Variants in RAPGEF2 observed in about 807,000 individuals in gnomAD.
The protein encoded by RAPGEF2 is PDZ domain containing guanine nucleotide exchange factor (GEF) 1.
In RAPGEF2, 54 loss-of-function variants were observed where a neutral mutation model predicts 186.7. That is an observed-to-expected ratio of 0.29 (90% CI 0.23 to 0.36). The LOEUF is 0.36. RAPGEF2 is among the 10% of genes least tolerant of loss of function. The probability of loss-of-function intolerance (pLI) is 1.00; values close to 1 mark genes in which losing one functional copy is unlikely to be tolerated. For missense variants in RAPGEF2, 1,532 were observed against 2,045.0 expected (o/e 0.75, Z 4.84); for synonymous variants, 712 against 705.9 (o/e 1.01, Z -0.14).
intron 7 of RAPGEF2, among the ~76,000 whole-genome samples, chr4:159,276,479 G>A (rs1003768204): frequency 1.3e-5 from 2 of 152,110 alleles, no homozygotes; most frequent in Non-Finnish European, 2.9e-5. Context: ...ATTTTATATA[G>A]AAGAGGGTAC....
intron 17 of RAPGEF2, among the ~76,000 whole-genome samples, chr4:159,337,248 G>T (rs1767555819): frequency 6.6e-6 from 1 of 152,074 alleles, no homozygotes; most frequent in African/African-American, 2.4e-5. Context: ...ATGCACCACT[G>T]TTTTTTTATG....
At chr4:159,316,304 T>G (rs1487964587) in intron 9 of RAPGEF2, among the ~76,000 whole-genome samples, 2 of 152,198 alleles carry the variant, frequency 1.3e-5, no homozygotes, top group Non-Finnish European at 1.5e-5. Context: ...GATTAATGAT[T>G]TTATATATAA....
At chr4:159,281,289 C>T (rs892149754) in intron 7 of RAPGEF2, among the ~76,000 whole-genome samples, 1 of 152,034 alleles carries the variant, frequency 6.6e-6, no homozygotes, top group African/African-American at 2.4e-5. Flanking sequence ...CGCACCTGGC[C>T]ATCATTTAAC....
intron 24 of RAPGEF2, among the ~76,000 whole-genome samples, chr4:159,345,876 T>C (rs2111290621): frequency 6.6e-6 from 1 of 152,076 alleles, no homozygotes. Context: ...TAAATCTGCA[T>C]CTTGACTTAA....
chr4:159,273,022 T>C (rs767650456), intron 7 of RAPGEF2, among the ~76,000 whole-genome samples: 1 of 152,198 alleles, frequency 6.6e-6, no homozygotes, highest in African/African-American at 2.4e-5. Context: ...ATATTTTGAT[T>C]GATGGATTTT....
At chr4:159,252,069 C>T (rs1755509111) in intron 7 of RAPGEF2, among the ~76,000 whole-genome samples, 1 of 152,064 alleles carries the variant, frequency 6.6e-6, no homozygotes, top group African/African-American at 2.4e-5. Flanking sequence ...AGAACTGTAA[C>T]ATTCACCGTG....
At chr4:159,184,750 G>C (rs1747386345) in intron 1 of RAPGEF2, among the ~76,000 whole-genome samples, 1 of 152,114 alleles carries the variant, frequency 6.6e-6, no homozygotes, top group Admixed American at 6.5e-5. Context: ...AGTTTAATTA[G>C]ATCCCATTTG....
rs575533416 is a variant in RAPGEF2, at chr4:159,136,162, G to A, written c.69+31931G>A. 2.9e-4 allele frequency among the ~76,000 whole-genome samples: 44 copies of A among 152,266 alleles called. No individual in the cohort carries two copies. In the South Asian group the frequency reaches 8.5e-3, roughly 29 times the overall value. ...TTGCATTTAGCATTTTAAAAAATAT[G>A]GTTGTTTTTCCTTGAGTTGTGAGAG... On this transcript the variant is annotated intron_variant, in intron 1 of 29. Transcript: ENST00000691494.
chr4:159,263,631 A>T (rs1039341866), intron 7 of RAPGEF2, among the ~76,000 whole-genome samples: 1 of 152,010 alleles, frequency 6.6e-6, no homozygotes, highest in African/African-American at 2.4e-5. Context: ...TATACACTTT[A>T]TTTTTCTATT....
chr4:159,137,709 C>CAAAAAA (rs35501594), intron 1 of RAPGEF2, among the ~76,000 whole-genome samples: 3 of 122,210 alleles, frequency 2.5e-5, no homozygotes, highest in Non-Finnish European at 3.3e-5. Flanking sequence ...AAAATAAATG[C>CAAAAAA]AAAAAAAAAA....
chr4:159,200,693 T>A (rs1387065528), intron 3 of RAPGEF2, among the ~76,000 whole-genome samples: 1 of 152,176 alleles, frequency 6.6e-6, no homozygotes, highest in African/African-American at 2.4e-5. Context: ...TTTTGTTGGT[T>A]GCAATTCCTT....
intron 8 of RAPGEF2, 112 bp downstream of exon 8, chr4:159,304,585 A>T (rs1407241076): frequency 9.5e-6 from 9 of 949,738 alleles, no homozygotes; most frequent in Middle Eastern, 3.0e-4. Flanking sequence ...TTACATGTGC[A>T]TGTAAGTACA....
chr4:159,330,524 C>T, intron 13 of RAPGEF2, 26 bp downstream of exon 13: 1 of 1,535,128 alleles, frequency 6.5e-7, no homozygotes, highest in Non-Finnish European at 8.8e-7. Flanking sequence ...TATTTTGTCT[C>T]TTAAATATGA....
intron 3 of RAPGEF2, among the ~76,000 whole-genome samples, chr4:159,194,683 CT>C (rs112080018): frequency 2.8e-4 from 42 of 151,090 alleles, no homozygotes; most frequent in African/African-American, 2.9e-4. Flanking sequence ...AGTTTTTGTC[CT>C]TTTTTTTTAA....
intron 18 of RAPGEF2, among the ~76,000 whole-genome samples, chr4:159,338,843 T>G (rs1186165478): frequency 6.6e-6 from 1 of 152,236 alleles, no homozygotes; most frequent in Non-Finnish European, 1.5e-5. Context: ...TTTTATTTCT[T>G]TGATGCCAGC....
In RAPGEF2 at chr4:159,193,274, G is replaced by T; in HGVS notation, c.197+18G>T. On this transcript the variant is annotated intron_variant, in intron 3 of 29. Coordinates refer to ENST00000691494, the MANE Select transcript of RAPGEF2 (RefSeq NM_001394067.2). The stretch of plus-strand genomic sequence containing the variant: ...TTATACTAGTAGGTGTTTCCTTTTT[G>T]TTTGTACAATGTATCTAATCCAGTG... 1 of 1,450,848 alleles carries T rather than the reference G, an allele frequency of 6.9e-7. No homozygotes were observed. Among genetic ancestry groups the T allele is most frequent in the South Asian group, 1.4e-5 (1 of 71,538 alleles). The allele number at this position is 1,450,848 out of a possible 1,614,324, so 89.9% of individuals were successfully genotyped here. A position where few individuals can be genotyped will look rare whatever the true frequency, so the allele number is the denominator to read the frequency against.
intron 1 of RAPGEF2, among the ~76,000 whole-genome samples, chr4:159,115,970 CA>C (rs1739004394): frequency 6.6e-6 from 1 of 152,004 alleles, no homozygotes; most frequent in Non-Finnish European, 1.5e-5. Context: ...GTAAAACCCA[CA>C]ACTATAAAAA....
At chr4:159,108,498 C>T (rs754081585) in intron 1 of RAPGEF2, among the ~76,000 whole-genome samples, 1 of 148,302 alleles carries the variant, frequency 6.7e-6, no homozygotes, top group Non-Finnish European at 1.5e-5. Flanking sequence ...ATCATTTAAT[C>T]TCACTGTTTT....
intron 4 of RAPGEF2, among the ~76,000 whole-genome samples, chr4:159,221,633 C>A (rs1388439824): frequency 6.6e-6 from 1 of 152,208 alleles, no homozygotes. Flanking sequence ...GTCTCTGTTA[C>A]ACCTGCTGTT....
Sources: allele counts gnomAD v4.1 joint callset (sites outside exome capture counted in the v4.1 genomes callset), GRCh38; gene constraint gnomAD v4.1.1; transcripts MANE v1.5; gene names NCBI Gene and HGNC (gene_info 2026-07-23, HGNC 2026-07-21).